The following BANK1 variants were observed in gnomAD, a reference collection of about 807,000 sequenced individuals.
BANK1 encodes B-cell scaffold protein with ankyrin repeats.
In BANK1, 95 loss-of-function variants were observed where a neutral mutation model predicts 94.5. The ratio of observed to expected loss-of-function variants is 1.00; its 90% confidence interval spans 0.85 to 1.19. The LOEUF (loss-of-function observed/expected upper bound fraction) is 1.19. Among genes scored for constraint, BANK1 ranks in the 50% most tolerant of loss-of-function variants. BANK1 has a pLI of 0.00. For missense variants in BANK1, 987 were observed against 932.2 expected, an observed-to-expected ratio of 1.06 and a Z score of -0.77; for synonymous variants, 334 against 308.4, an observed-to-expected ratio of 1.08 and a Z score of -0.87.
chr4:101,828,948 C>G (rs1332447996), intron 1 of BANK1, among the ~76,000 whole-genome samples: 1 of 151,898 alleles, frequency 6.6e-6, no homozygotes, highest in Non-Finnish European at 1.5e-5. Flanking sequence ...CTGCAAACTC[C>G]GCCTCCTGGG....
At chr4:101,917,932 C>A in intron 6 of BANK1, 61 bp from the exon 7 acceptor site, 1 of 1,289,524 alleles carries the variant, frequency 7.8e-7, no homozygotes, top group South Asian at 1.5e-5. Flanking sequence ...TGTGTTAGAC[C>A]TTTTAATGAG....
intron 11 of BANK1, among the ~76,000 whole-genome samples, chr4:102,052,965 A>G (rs77940460): frequency 0.033 from 4,974 of 152,324 alleles, 245 homozygotes; most frequent in African/African-American, 0.11. Flanking sequence ...TATTGACAAG[A>G]GGAAGTATGA....
chr4:102,010,163 G>A (rs954453603), intron 7 of BANK1, among the ~76,000 whole-genome samples: 14 of 151,794 alleles, frequency 9.2e-5, no homozygotes, highest in Admixed American at 2.6e-4. Context: ...TACTCGGGAG[G>A]CTGAGGCAGG....
intron 10 of BANK1, among the ~76,000 whole-genome samples, chr4:102,037,241 A>C (rs1317901392): frequency 6.6e-6 from 1 of 152,220 alleles, no homozygotes; most frequent in African/African-American, 2.4e-5. Flanking sequence ...AATGCTGCTA[A>C]ATGTCTTACA....
chr4:101,946,765 G>A (rs968520205), intron 7 of BANK1, among the ~76,000 whole-genome samples: 7 of 151,786 alleles, frequency 4.6e-5, no homozygotes, highest in Admixed American at 1.3e-4. Context: ...TTTATTTCCC[G>A]AAAACAGATG....
rs546417003 is a variant in BANK1, at chr4:101,936,968, G to A, written c.1206+18779G>A. Reference sequence around the variant, plus strand: ...AATCCCGCTGGATCCCAAAAGAAAGGAAATCAGTATTTTGAAGAGATAACT... The same window carrying A: ...AATCCCGCTGGATCCCAAAAGAAAGAAAATCAGTATTTTGAAGAGATAACT... On this transcript the variant is annotated intron_variant, in intron 7 of 16. Transcript: ENST00000322953. Among the ~76,000 whole-genome samples, 10 of 151,616 alleles carry A rather than the reference G, an allele frequency of 6.6e-5. No individual in the cohort carries two copies. In the South Asian group the frequency reaches 1.2e-3, roughly 19 times the overall value.
At chr4:101,857,570 T>C (rs886240288) in intron 3 of BANK1, among the ~76,000 whole-genome samples, 2 of 152,208 alleles carry the variant, frequency 1.3e-5, no homozygotes, top group Non-Finnish European at 2.9e-5. Flanking sequence ...CCTATGACCC[T>C]TGGAGCTTGG....
intron 3 of BANK1, among the ~76,000 whole-genome samples, chr4:101,860,174 C>T (rs35201947): frequency 0.29 from 44,327 of 152,008 alleles, 7,005 homozygotes; most frequent in Non-Finnish European, 0.34. Context: ...GCCTAGTTTA[C>T]GGTGCAAAAT....
intron 10 of BANK1, 58 bp from the exon 11 acceptor site, chr4:102,043,781 A>G (rs1338535034): frequency 1.8e-6 from 2 of 1,137,718 alleles, no homozygotes; most frequent in African/African-American, 3.1e-5. Flanking sequence ...AGACTTCTAC[A>G]GTATGGATTT....
chr4:101,938,433 TAACTA>T (rs1292704469), intron 7 of BANK1, among the ~76,000 whole-genome samples: 1 of 151,420 alleles, frequency 6.6e-6, no homozygotes, highest in Non-Finnish European at 1.5e-5. Flanking sequence ...CATTTCAAAA[TAACTA>T]AAAAAGTATA....
intron 7 of BANK1, among the ~76,000 whole-genome samples, chr4:101,935,994 T>C (rs954867281): frequency 1.1e-4 from 17 of 151,406 alleles, no homozygotes; most frequent in Admixed American, 6.6e-4. Flanking sequence ...CTCCAGCACA[T>C]TGGTCAGGGC....
chr4:101,872,902 C>T (rs371868936), intron 5 of BANK1, among the ~76,000 whole-genome samples: 5 of 151,674 alleles, frequency 3.3e-5, no homozygotes, highest in Admixed American at 6.6e-5. Context: ...GCAAGAGAAT[C>T]GCTTGAACCC....
At chr4:101,809,977 G>C (rs981510640) in intron 1 of BANK1, among the ~76,000 whole-genome samples, 3 of 152,098 alleles carry the variant, frequency 2.0e-5, no homozygotes, top group Non-Finnish European at 4.4e-5. Flanking sequence ...AGCTGACTTT[G>C]AGATAGGGAG....
chr4:101,848,264 C>T (rs1201436965), intron 2 of BANK1, among the ~76,000 whole-genome samples: 1 of 152,076 alleles, frequency 6.6e-6, no homozygotes, highest in African/African-American at 2.4e-5. Flanking sequence ...TCTGTGGGTC[C>T]TCTCGGGATT....
At chr4:101,942,189 C>A (rs1302172549) in intron 7 of BANK1, among the ~76,000 whole-genome samples, 1 of 151,876 alleles carries the variant, frequency 6.6e-6, no homozygotes, top group Non-Finnish European at 1.5e-5. Context: ...CAACCAAGGA[C>A]CCTATTCAGC....
intron 7 of BANK1, among the ~76,000 whole-genome samples, chr4:101,938,328 G>A (rs1384928014): frequency 6.6e-6 from 1 of 151,270 alleles, no homozygotes; most frequent in Non-Finnish European, 1.5e-5. Flanking sequence ...GGGAAAGTGG[G>A]GATGACTAAT....
chr4:101,851,920 T>A (rs1727490896), intron 2 of BANK1, among the ~76,000 whole-genome samples: 1 of 152,342 alleles, frequency 6.6e-6, no homozygotes, highest in Admixed American at 6.5e-5. Flanking sequence ...AGGTTTTAAC[T>A]TATTAACATT....
chr4:102,066,205 A>T (rs932781124), intron 13 of BANK1, among the ~76,000 whole-genome samples: 2 of 152,118 alleles, frequency 1.3e-5, no homozygotes, highest in Non-Finnish European at 2.9e-5. Flanking sequence ...GGAAAAAAAA[A>T]TTCAATAATT....
Position 102,018,857 on chromosome 4 carries a change from C to T in BANK1, c.1207-2657C>T, listed in dbSNP as rs1427099069. ...TTTTTGAGACAGAGTCTCGCTCTGT[C>T]GGCCAGGCTGGAGTGCAGTGGTGCG... On this transcript the variant is annotated intron_variant, in intron 7 of 16. Transcript: ENST00000322953. Among the ~76,000 whole-genome samples, 183 of 144,512 alleles carry T rather than the reference C, an allele frequency of 1.3e-3. 2 individuals are homozygous for T. The highest frequency in any genetic ancestry group is 1.8e-4 in the Non-Finnish European group (12 of 67,066). 94.8% of individuals were successfully genotyped at this position (144,512 alleles called of 152,430 possible).
Sources: allele counts gnomAD v4.1 joint callset (sites outside exome capture counted in the v4.1 genomes callset), GRCh38; gene constraint gnomAD v4.1.1; transcripts MANE v1.5; gene names NCBI Gene and HGNC (gene_info 2026-07-23, HGNC 2026-07-21).